ADAMTSL1: variants seen among roughly 807,000 people sequenced by gnomAD.
ADAMTSL1 encodes ADAMTS like 1, also known as ADAMTS-like protein 1.
A neutral mutation model predicts 201.8 loss-of-function variants in ADAMTSL1; 126 were observed. The observed-to-expected ratio is 0.62, with a 90% confidence interval of 0.54 to 0.72. The LOEUF is 0.72. Ranked by LOEUF, ADAMTSL1 falls within the 30% of genes least tolerant of loss-of-function variation. The probability of loss-of-function intolerance (pLI) is 0.00; values close to 1 mark genes in which losing one functional copy is unlikely to be tolerated. For missense variants in ADAMTSL1, 2,679 were observed against 2,277.8 expected, an observed-to-expected ratio of 1.18 and a Z score of -3.59; for synonymous variants, 1,121 against 903.4, an observed-to-expected ratio of 1.24 and a Z score of -4.32.
At position 18,777,578 on chromosome 9, in the gene ADAMTSL1, G is replaced by T. The variant is rs756309634; in HGVS notation, c.3349G>T (p.Asp1117Tyr). The T allele has an allele frequency of 6.2e-7, 1 of 1,610,786 alleles. No homozygotes were observed. The highest frequency in any genetic ancestry group is 1.7e-5 in the Admixed American group (1 of 59,642). Reference sequence around the variant, plus strand: ...CTTCCGCAGCCACCTGGAGCACCAGGACACGCTCCTGAAGCCCTCGGAGCG... The same window carrying T: ...CTTCCGCAGCCACCTGGAGCACCAGTACACGCTCCTGAAGCCCTCGGAGCG... ...EIFRSHLEHQ[D>Y]TLLKPSERRT... The change falls in exon 19 of 29, where the codon GAC becomes TAC. Residue 1117 changes from aspartate to tyrosine, a missense_variant. Physicochemically the swap from Asp to Tyr is radical, Grantham distance 160 (BLOSUM62 -3). Transcript: ENST00000380548.
Position 18,892,474 on chromosome 9 carries a change from G to T in ADAMTSL1, c.4729G>T (p.Ala1577Ser). ...CAGGGTGACCTGTCAAAAGCTGAAA[G>T]CCTCTGGGATCTCCACCCCTGTGTC... ...TRRVTCQKLK[A>S]SGISTPVSND... Residue 1577 changes from alanine to serine, a missense_variant, in exon 26 of 29, where the codon GCC (alanine) becomes TCC (serine). Coordinates refer to ENST00000380548, the MANE Select transcript of ADAMTSL1 (RefSeq NM_001040272.6). 3 of 1,612,622 alleles carry T rather than the reference G, an allele frequency of 1.9e-6. No individual in the cohort carries two copies. Among genetic ancestry groups the T allele is most frequent in the Non-Finnish European group, 2.5e-6 (3 of 1,179,442 alleles).
chr9:18,028,777 G>T (rs189803426), intron 1 of ADAMTSL1, among the ~76,000 whole-genome samples: 11 of 152,272 alleles, frequency 7.2e-5, no homozygotes, highest in Admixed American at 3.3e-4. Context: ...CTTGAAAGTA[G>T]TTTTTTCCAA....
chr9:18,406,294 CTTTTCTTT>C (rs1818193706), intron 2 of ADAMTSL1, among the ~76,000 whole-genome samples: 2 of 67,926 alleles, frequency 2.9e-5, no homozygotes, highest in African/African-American at 1.5e-4. Context: ...ACAGTTTTTT[CTTTTCTTT>C]TCTTTTCTTT....
At position 17,948,075 on chromosome 9, in the gene ADAMTSL1, ATT is replaced by A. The variant is rs1827581601; in HGVS notation, c.87+41156_87+41157del. Among the ~76,000 whole-genome samples the A allele has an allele frequency of 3.3e-5, 5 of 152,240 alleles. 1 individual carries two copies. Among genetic ancestry groups the A allele is most frequent in the African/African-American group, 1.2e-4 (5 of 41,560 alleles). ...TGTTTATGTTACATGCTCATCATCAATTTTCTTTTGAAATGGAAACTCAGTGC... is the reference window on the plus strand; with the variant it reads ...TGTTTATGTTACATGCTCATCATCAATTCTTTTGAAATGGAAACTCAGTGC... On this transcript the variant is annotated intron_variant, in intron 1 of 29. Coordinates refer to the ADAMTSL1 transcript ENST00000680146.
At chr9:18,162,797 G>A (rs1013724636) in intron 1 of ADAMTSL1, among the ~76,000 whole-genome samples, 2 of 151,896 alleles carry the variant, frequency 1.3e-5, no homozygotes, top group African/African-American at 4.8e-5. Context: ...GATATACCGT[G>A]TTCATTATAA....
intron 16 of ADAMTSL1, among the ~76,000 whole-genome samples, chr9:18,764,242 T>G (rs898371395): frequency 3.3e-5 from 5 of 152,252 alleles, no homozygotes; most frequent in African/African-American, 1.2e-4. Context: ...TTAAATTTTG[T>G]GTGTAGATAT....
In ADAMTSL1 at chr9:18,504,843, A is replaced by T. The variant is rs1401791850; in HGVS notation, c.78A>T (p.Ala26=). The T allele has an allele frequency of 6.2e-7, 1 of 1,614,050 alleles. No individual in the cohort carries two copies. Among genetic ancestry groups the T allele is most frequent in the Non-Finnish European group, 8.5e-7 (1 of 1,180,038 alleles). Residue 26 remains alanine, a synonymous_variant, in exon 2 of 29, where the codon GCA becomes GCT. Transcript: ENST00000380548. ...LAFLLLSSRT[A]RSEEDRDGLW... Reference sequence around the variant, plus strand: ...GTTTCTCACAGAGTTCCAGGACCGCACGCTCCGAGGAGGACCGGGACGGCC... The same window carrying T: ...GTTTCTCACAGAGTTCCAGGACCGCTCGCTCCGAGGAGGACCGGGACGGCC...
intron 2 of ADAMTSL1, among the ~76,000 whole-genome samples, chr9:18,234,165 C>G (rs781732732): frequency 1.7e-4 from 26 of 152,080 alleles, no homozygotes; most frequent in Non-Finnish European, 2.6e-4. Flanking sequence ...CAATATGATC[C>G]CACATTTCTG....
intron 1 of ADAMTSL1, among the ~76,000 whole-genome samples, chr9:17,952,775 A>C (rs4382566): frequency 0.63 from 95,821 of 151,480 alleles, 30,626 homozygotes; most frequent in East Asian, 0.92. Context: ...CATCCATCTG[A>C]CTTGGCCTCC....
chr9:18,073,989 TC>T (rs1243604371), intron 1 of ADAMTSL1, among the ~76,000 whole-genome samples: 14 of 147,982 alleles, frequency 9.5e-5, no homozygotes, highest in South Asian at 4.3e-4. Context: ...TTTTTTTTTT[TC>T]GCATTGAAAA....
chr9:18,434,616 G>A (rs934815250), intron 2 of ADAMTSL1, among the ~76,000 whole-genome samples: 2 of 152,192 alleles, frequency 1.3e-5, no homozygotes, highest in Non-Finnish European at 1.5e-5. Context: ...TTAGGCAGGT[G>A]GTTAGAAAAT....
chr9:18,265,131 A>G (rs1832072507), intron 2 of ADAMTSL1, among the ~76,000 whole-genome samples: 1 of 152,182 alleles, frequency 6.6e-6, no homozygotes, highest in South Asian at 2.1e-4. Flanking sequence ...TTTAAATTCT[A>G]GAGCTCAAAG....
chr9:17,939,313 T>C (rs1329170849), intron 1 of ADAMTSL1, among the ~76,000 whole-genome samples: 2 of 151,126 alleles, frequency 1.3e-5, no homozygotes, highest in African/African-American at 2.4e-5. Flanking sequence ...TTTTTTTAAC[T>C]CTCACAACCA....
At chr9:18,440,040 C>G (rs1303946847) in intron 2 of ADAMTSL1, among the ~76,000 whole-genome samples, 1 of 152,190 alleles carries the variant, frequency 6.6e-6, no homozygotes, top group Admixed American at 6.5e-5. Context: ...GAGATATGCT[C>G]ACTGTGGTGC....
At chr9:18,452,397 G>A (rs1266245519) in intron 2 of ADAMTSL1, among the ~76,000 whole-genome samples, 4 of 152,276 alleles carry the variant, frequency 2.6e-5, no homozygotes, top group African/African-American at 9.6e-5. Flanking sequence ...TCAAACCATA[G>A]TATTCTGTCA....
At chr9:18,680,553 A>G in intron 11 of ADAMTSL1, 37 bp downstream of exon 11, 1 of 1,604,268 alleles carries the variant, frequency 6.2e-7, no homozygotes, top group South Asian at 1.1e-5. Flanking sequence ...TTAGGAGAGT[A>G]AGTCCACTCT....
At position 18,309,936 on chromosome 9, in the gene ADAMTSL1, T is replaced by C. The variant is rs1834055156; in HGVS notation, c.207+145955T>C. 2.0e-5 allele frequency among the ~76,000 whole-genome samples: 3 copies of C among 152,152 alleles called. No individual in the cohort carries two copies. The South Asian group carries it at 6.3e-4, about 32-fold the overall frequency. ...GGCATCATGCTACCTAACTTCAAACTATACTACAAGGCTACAGTAACCAAA... is the reference window on the plus strand; with the variant it reads ...GGCATCATGCTACCTAACTTCAAACCATACTACAAGGCTACAGTAACCAAA... On this transcript the variant is annotated intron_variant, in intron 2 of 29. Coordinates refer to the ADAMTSL1 transcript ENST00000680146.
chr9:18,674,603 T>TATG (rs1348392104), intron 9 of ADAMTSL1, among the ~76,000 whole-genome samples: 5 of 152,062 alleles, frequency 3.3e-5, no homozygotes, highest in Admixed American at 3.3e-4. Context: ...TATATCATCT[T>TATG]ATATCAGAGG....
At chr9:17,991,708 TC>T (rs1411172533) in intron 1 of ADAMTSL1, among the ~76,000 whole-genome samples, 1 of 152,178 alleles carries the variant, frequency 6.6e-6, no homozygotes, top group African/African-American at 2.4e-5. Flanking sequence ...GAAGTCCCTC[TC>T]CCATGCCAGG....
Sources: allele counts gnomAD v4.1 joint callset (sites outside exome capture counted in the v4.1 genomes callset), GRCh38; gene constraint gnomAD v4.1.1; transcripts MANE v1.5; gene names NCBI Gene and HGNC (gene_info 2026-07-23, HGNC 2026-07-21).